Variants in MAN1C1 observed in about 807,000 individuals in gnomAD.
MAN1C1 encodes mannosidase alpha class 1C member 1.
A neutral mutation model predicts 71.5 loss-of-function variants in MAN1C1; 49 were observed. That is an observed-to-expected ratio of 0.69 (90% CI 0.54 to 0.87). MAN1C1 has a LOEUF of 0.87. MAN1C1 is among the 40% of genes least tolerant of loss of function. MAN1C1 has a pLI of 0.00. For missense variants in MAN1C1, 743 were observed against 835.0 expected (o/e 0.89, Z 1.36); for synonymous variants, 352 against 343.7 (o/e 1.02, Z -0.27).
Position 25,771,674 on chromosome 1 carries a change from G to A in MAN1C1, c.1159G>A (p.Gly387Arg). Reference sequence around the variant, plus strand: ...CTTCACAGACCATGTCTCAGTTGGAGGACTCGGGGACAGTTTTTATGAATA... The same window carrying A: ...CTTCACAGACCATGTCTCAGTTGGAAGACTCGGGGACAGTTTTTATGAATA... The part of the protein sequence containing the change: ...NWVQHHVSVG[G>R]LGDSFYEYLI... Residue 387 changes from glycine to arginine, a missense_variant, in exon 8 of 12, where the codon GGA (glycine) becomes AGA (arginine). Physicochemically the swap from Gly to Arg is moderately radical, Grantham distance 125. Coordinates refer to ENST00000374332, the MANE Select transcript of MAN1C1 (RefSeq NM_020379.4). 6.2e-7 allele frequency: 1 copy of A among 1,613,874 alleles called. No homozygotes were observed. Among genetic ancestry groups the A allele is most frequent in the South Asian group, 1.1e-5 (1 of 91,080 alleles).
chr1:25,682,624 G>T (rs919011753), intron 1 of MAN1C1, among the ~76,000 whole-genome samples: 1 of 152,170 alleles, frequency 6.6e-6, no homozygotes, highest in African/African-American at 2.4e-5. Context: ...AGGAAGAATT[G>T]TCTCCCCTGT....
Position 25,776,318 on chromosome 1 carries a change from A to G in MAN1C1, c.1258-1787A>G, listed in dbSNP as rs145665238. On this transcript the variant is annotated intron_variant, in intron 8 of 11. Transcript: ENST00000374332. This position sits in a 1 kb window ranked among gnomAD's most constrained non-coding sequence, Gnocchi z 4.3. ...GTAATCCCAACATTTTGGGAGGCCG[A>G]GGTGGGTGGATCCCCTGAGGTCAGG... 1.7e-3 allele frequency among the ~76,000 whole-genome samples: 260 copies of G among 152,204 alleles called. 1 individual carries two copies. The highest frequency in any genetic ancestry group is 6.1e-3 in the African/African-American group (252 of 41,552).
chr1:25,734,302 T>C (rs1249248275), intron 2 of MAN1C1, among the ~76,000 whole-genome samples: 1 of 152,006 alleles, frequency 6.6e-6, no homozygotes, highest in Non-Finnish European at 1.5e-5. Flanking sequence ...CTGACTTTTG[T>C]ATTTTTAGTA....
At chr1:25,732,447 A>G (rs748916271) in intron 2 of MAN1C1, among the ~76,000 whole-genome samples, 3 of 152,150 alleles carry the variant, frequency 2.0e-5, no homozygotes, top group Non-Finnish European at 4.4e-5. Flanking sequence ...CAGTTTCCCC[A>G]TCTGTAAAAC....
At chr1:25,679,952 TATATATATA>T (rs1557762186) in intron 1 of MAN1C1, among the ~76,000 whole-genome samples, 19 of 96,708 alleles carry the variant, frequency 2.0e-4, no homozygotes, top group African/African-American at 7.2e-4. Context: ...AAAAAAAAAA[TATATATATA>T]TATATATATA....
intron 2 of MAN1C1, among the ~76,000 whole-genome samples, chr1:25,703,305 G>A (rs564420725): frequency 6.6e-6 from 1 of 152,358 alleles, no homozygotes; most frequent in South Asian, 2.1e-4. Flanking sequence ...TCCACAGGAA[G>A]CAGTGGTGGC....
chr1:25,674,676 G>A (rs939038076), intron 1 of MAN1C1, among the ~76,000 whole-genome samples: 1 of 152,168 alleles, frequency 6.6e-6, no homozygotes, highest in East Asian at 1.9e-4. Flanking sequence ...GTGGCAGGGG[G>A]AGGCATGGTT....
intron 4 of MAN1C1, among the ~76,000 whole-genome samples, chr1:25,752,097 C>T (rs372492966): frequency 1.3e-5 from 2 of 152,174 alleles, no homozygotes; most frequent in South Asian, 2.1e-4. Context: ...CTGGGTAGGC[C>T]AGTCCTACCG....
chr1:25,707,649 T>C (rs1389747205), intron 2 of MAN1C1, among the ~76,000 whole-genome samples: 1 of 152,210 alleles, frequency 6.6e-6, no homozygotes, highest in Non-Finnish European at 1.5e-5. Context: ...TTACCATTCA[T>C]TCATTTGTTC....
intron 7 of MAN1C1, among the ~76,000 whole-genome samples, chr1:25,767,651 C>CA (rs1553195075): frequency 4.2e-4 from 53 of 125,750 alleles, no homozygotes; most frequent in Non-Finnish European, 3.7e-4. Flanking sequence ...CACACTCCCC[C>CA]CACACACAGA....
chr1:25,674,028 C>G (rs999660907), intron 1 of MAN1C1, among the ~76,000 whole-genome samples: 8 of 152,220 alleles, frequency 5.3e-5, no homozygotes, highest in Non-Finnish European at 1.0e-4. Context: ...CTGCCCCCAC[C>G]TAACACCCAA....
rs1471209566 is a variant in MAN1C1, at chr1:25,631,783, C to T, written c.540+13446C>T. On this transcript the variant is annotated intron_variant, in intron 1 of 11. Coordinates refer to ENST00000374332, the MANE Select transcript of MAN1C1 (RefSeq NM_020379.4). The surrounding 1 kb of genome is among the most constrained non-coding windows in gnomAD (Gnocchi z 4.2). ...TCGTAGAATGATTTAGGGAGGATTTCCTCTTTCTTAATCTTTTGGAATAGT... is the reference window on the plus strand; with the variant it reads ...TCGTAGAATGATTTAGGGAGGATTTTCTCTTTCTTAATCTTTTGGAATAGT... Among the ~76,000 whole-genome samples the T allele has an allele frequency of 1.3e-5, 2 of 152,048 alleles. No homozygotes were observed. The highest frequency in any genetic ancestry group is 2.9e-5 in the Non-Finnish European group (2 of 68,006).
intron 10 of MAN1C1, 88 bp downstream of exon 10, chr1:25,781,200 G>C (rs2124418289): frequency 4.2e-6 from 6 of 1,437,242 alleles, no homozygotes; most frequent in Non-Finnish European, 5.7e-6. Flanking sequence ...CTTGGGCCTG[G>C]AGTGGAAGGC....
chr1:25,686,752 G>A (rs1049114257), intron 2 of MAN1C1, among the ~76,000 whole-genome samples: 1 of 152,144 alleles, frequency 6.6e-6, no homozygotes, highest in African/African-American at 2.4e-5. Context: ...TCTAGCCTTA[G>A]AGACTGCTTT....
At position 25,780,968 on chromosome 1, in the gene MAN1C1, G is replaced by T; in HGVS notation, c.1506G>T (p.Trp502Cys). Residue 502 changes from tryptophan (W) to cysteine (C), a missense_variant, in exon 10 of 12, where the codon TGG becomes TGT. By Grantham distance (215) the Trp-to-Cys change is radical. Coordinates refer to ENST00000374332, the MANE Select transcript of MAN1C1 (RefSeq NM_020379.4). ...SDTKLGPEAFWFNSGREAVAT... is the reference protein window; with the variant it reads ...SDTKLGPEAFCFNSGREAVAT... ...CCAAACTTGGGCCTGAGGCCTTCTG[G>T]TTTAACTCCGGCAGAGAGGCCGTGG... The T allele has an allele frequency of 1.2e-6, 2 of 1,614,168 alleles. No homozygotes were observed. The highest frequency in any genetic ancestry group is 1.7e-6 in the Non-Finnish European group (2 of 1,180,016).
At chr1:25,694,201 T>C (rs1334714182) in intron 2 of MAN1C1, among the ~76,000 whole-genome samples, 1 of 152,162 alleles carries the variant, frequency 6.6e-6, no homozygotes, top group Non-Finnish European at 1.5e-5. Flanking sequence ...TGCAGCTGCC[T>C]TGACCTCTCG....
intron 5 of MAN1C1, among the ~76,000 whole-genome samples, chr1:25,754,644 G>C (rs1260452278): frequency 6.6e-6 from 1 of 151,902 alleles, no homozygotes; most frequent in East Asian, 1.9e-4. Context: ...CATAAACACT[G>C]ATCCTGGAGA....
In MAN1C1 at chr1:25,783,467, G is replaced by A. The variant is rs1283161868; in HGVS notation, c.1767-196G>A. On this transcript the variant is annotated intron_variant, in intron 11 of 11. Transcript: ENST00000374332. Reference sequence around the variant, plus strand: ...AGTCCTTCTGACCCCAAAGCTCAAGGCTTTTCTCTGCAGCCACAGCCTCCT... The same window carrying A: ...AGTCCTTCTGACCCCAAAGCTCAAGACTTTTCTCTGCAGCCACAGCCTCCT... 4.6e-5 allele frequency among the ~76,000 whole-genome samples: 7 copies of A among 152,214 alleles called. No homozygotes were observed. The East Asian group carries it at 1.2e-3, about 25-fold the overall frequency.
chr1:25,776,577 A>G lies in MAN1C1; in HGVS notation c.1258-1528A>G, dbSNP rs910594716. ...CAAAACAAAACGAATTGCACCTCTC[A>G]TATATATTTGGTTTTGTTGGGAATT... On this transcript the variant is annotated intron_variant, in intron 8 of 11. Coordinates refer to ENST00000374332, the MANE Select transcript of MAN1C1 (RefSeq NM_020379.4). This position sits in a 1 kb window ranked among gnomAD's most constrained non-coding sequence, Gnocchi z 4.3. Among the ~76,000 whole-genome samples, 1 of 152,126 alleles carries G rather than the reference A, an allele frequency of 6.6e-6. No individual in the cohort carries two copies. The highest frequency in any genetic ancestry group is 1.5e-5 in the Non-Finnish European group (1 of 68,036).
Sources: allele counts gnomAD v4.1 joint callset (sites outside exome capture counted in the v4.1 genomes callset), GRCh38; gene constraint gnomAD v4.1.1; non-coding constraint Gnocchi (gnomAD v3.1); transcripts MANE v1.5; gene names NCBI Gene and HGNC (gene_info 2026-07-23, HGNC 2026-07-21).